Variants in LRRC7 observed in about 807,000 individuals in gnomAD.
LRRC7 encodes leucine-rich repeat-containing protein 7.
A neutral mutation model predicts 175.7 loss-of-function variants in LRRC7; 23 were observed. The observed-to-expected ratio is 0.13, with a 90% CI of 0.09 to 0.19. LRRC7 has a LOEUF of 0.19. Ranked by LOEUF, LRRC7 falls within the 10% of genes least tolerant of loss-of-function variation. The pLI, the probability that LRRC7 is intolerant of heterozygous loss-of-function variation, is 1.00. For missense variants in LRRC7, 1,354 were observed against 1,904.7 expected, an observed-to-expected ratio of 0.71 and a Z score of 5.38; for synonymous variants, 685 against 680.9, an observed-to-expected ratio of 1.01 and a Z score of -0.09.
intron 1 of LRRC7, among the ~76,000 whole-genome samples, chr1:69,644,891 A>C (rs933056863): frequency 2.0e-4 from 30 of 152,044 alleles, no homozygotes; most frequent in African/African-American, 4.8e-4. Flanking sequence ...CCATCAAAAT[A>C]AATGCAGAAA....
chr1:69,734,099 T>C (rs1000063918), intron 2 of LRRC7, among the ~76,000 whole-genome samples: 7 of 149,022 alleles, frequency 4.7e-5, no homozygotes, highest in African/African-American at 1.7e-4. Flanking sequence ...GCAATCCAAG[T>C]TCCTATTTAA....
chr1:69,654,298 T>C (rs1454642589), intron 1 of LRRC7, among the ~76,000 whole-genome samples: 3 of 152,078 alleles, frequency 2.0e-5, no homozygotes, highest in African/African-American at 7.2e-5. Context: ...AATTATGTTG[T>C]TATACTTTCA....
intron 2 of LRRC7, among the ~76,000 whole-genome samples, chr1:69,697,156 C>T (rs1192270864): frequency 1.3e-5 from 2 of 152,164 alleles, no homozygotes; most frequent in African/African-American, 4.8e-5. Flanking sequence ...CTCTTTTCCT[C>T]CAAAGTAATC....
intron 7 of LRRC7, among the ~76,000 whole-genome samples, chr1:69,847,181 T>C (rs12090593): frequency 0.099 from 15,034 of 152,092 alleles, 1,749 homozygotes; most frequent in African/African-American, 0.28. Context: ...ACATCCATTG[T>C]TTGTATCTTC....
chr1:69,674,366 T>A (rs1659505487), intron 1 of LRRC7, among the ~76,000 whole-genome samples: 1 of 152,178 alleles, frequency 6.6e-6, no homozygotes, highest in Admixed American at 6.6e-5. Flanking sequence ...TCACTGAGCA[T>A]ATCTGGGCTT....
intron 7 of LRRC7, among the ~76,000 whole-genome samples, chr1:69,906,550 G>T (rs889139129): frequency 2.6e-5 from 4 of 152,154 alleles, no homozygotes; most frequent in Non-Finnish European, 5.9e-5. Context: ...TCTCAGGTTT[G>T]TCAAAGATCA....
chr1:69,572,512 G>A (rs1047061303), intron 1 of LRRC7, among the ~76,000 whole-genome samples: 1 of 152,030 alleles, frequency 6.6e-6, no homozygotes, highest in African/African-American at 2.4e-5. Flanking sequence ...TTTGAATGAT[G>A]GTTGCCACAA....
chr1:69,878,805 TAAATG>T (rs2101603921), intron 7 of LRRC7, among the ~76,000 whole-genome samples: 1 of 149,104 alleles, frequency 6.7e-6, no homozygotes, highest in African/African-American at 2.4e-5. Context: ...TATATATAAA[TAAATG>T]TATATATATA....
intron 8 of LRRC7, among the ~76,000 whole-genome samples, chr1:69,952,830 G>A (rs1009132315): frequency 6.6e-6 from 1 of 151,742 alleles, no homozygotes; most frequent in African/African-American, 2.4e-5. Context: ...CCTACATGCT[G>A]TGGGAGCCCT....
At chr1:69,739,297 C>T (rs1010542097) in intron 2 of LRRC7, among the ~76,000 whole-genome samples, 8 of 151,956 alleles carry the variant, frequency 5.3e-5, no homozygotes, top group African/African-American at 7.2e-5. Flanking sequence ...GCTGGGGGCT[C>T]GCAGAAGGCA....
intron 2 of LRRC7, among the ~76,000 whole-genome samples, chr1:69,722,981 T>G (rs983725083): frequency 1.3e-5 from 2 of 152,050 alleles, no homozygotes; most frequent in African/African-American, 4.8e-5. Flanking sequence ...TTATGTTAGT[T>G]TTTTGCCATT....
chr1:70,096,627 C>T (rs963794031), intron 25 of LRRC7, among the ~76,000 whole-genome samples: 64 of 152,174 alleles, frequency 4.2e-4, no homozygotes, highest in African/African-American at 1.4e-3. Flanking sequence ...TTTGTCCTCT[C>T]TGTCAACGAA....
chr1:69,733,139 CAT>C (rs1433071185), intron 2 of LRRC7, among the ~76,000 whole-genome samples: 3 of 152,008 alleles, frequency 2.0e-5, no homozygotes, highest in South Asian at 2.1e-4. Flanking sequence ...TAAATGAGGA[CAT>C]GTGAAAAAAA....
At chr1:69,657,120 G>A (rs985428442) in intron 1 of LRRC7, among the ~76,000 whole-genome samples, 12 of 151,546 alleles carry the variant, frequency 7.9e-5, no homozygotes, top group African/African-American at 1.2e-4. Flanking sequence ...GTGTGTGTGT[G>A]TATGTGTGTG....
At chr1:69,877,113 A>G (rs1365648978) in intron 7 of LRRC7, among the ~76,000 whole-genome samples, 1 of 152,198 alleles carries the variant, frequency 6.6e-6, no homozygotes, top group Admixed American at 6.5e-5. Flanking sequence ...AGTAACCATG[A>G]GGTAGACAGA....
intron 23 of LRRC7, among the ~76,000 whole-genome samples, chr1:70,059,972 T>C (rs1014574299): frequency 6.6e-6 from 1 of 151,986 alleles, no homozygotes; most frequent in African/African-American, 2.4e-5. Context: ...CCTATATATC[T>C]AGAAATTTAA....
At chr1:69,774,925 A>C (rs1312667780) in intron 3 of LRRC7, among the ~76,000 whole-genome samples, 1 of 151,082 alleles carries the variant, frequency 6.6e-6, no homozygotes, top group East Asian at 1.9e-4. Context: ...AGAAAATACA[A>C]GAAGTAATAG....
At chr1:70,066,632 G>C (rs1661999315) in intron 23 of LRRC7, among the ~76,000 whole-genome samples, 2 of 152,036 alleles carry the variant, frequency 1.3e-5, no homozygotes, top group South Asian at 4.2e-4. Context: ...TTTACCTATG[G>C]AAGGATATCT....
chr1:69,580,369 T>C (rs1376422471), intron 1 of LRRC7, among the ~76,000 whole-genome samples: 1 of 152,152 alleles, frequency 6.6e-6, no homozygotes, highest in Non-Finnish European at 1.5e-5. Context: ...TACATAAAGA[T>C]ATTATTTAAA....
Sources: gnomAD v4.1 joint callset for allele counts (sites outside exome capture counted in the v4.1 genomes callset) on GRCh38, gnomAD v4.1.1 for gene constraint, MANE v1.5 for transcripts, NCBI Gene and HGNC (gene_info 2026-07-23, HGNC 2026-07-21) for gene names.